The following ODAD2 variants were observed in gnomAD, a reference collection of about 807,000 sequenced individuals.
ODAD2 encodes outer dynein arm-docking complex subunit 2.
Under a neutral mutation model 106.8 loss-of-function variants are expected in ODAD2, and 89 were observed. The ratio of observed to expected loss-of-function variants is 0.83; its 90% confidence interval spans 0.70 to 0.99. The LOEUF is 0.99. ODAD2 is among the 50% of genes least tolerant of loss of function. ODAD2 has a pLI of 0.00. For synonymous variants in ODAD2, 404 were observed against 436.2 expected, an observed-to-expected ratio of 0.93 and a Z score of 0.92; for missense variants, 1,168 against 1,238.5, an observed-to-expected ratio of 0.94 and a Z score of 0.85.
chr10:27,933,253 A>G (rs989939611), intron 16 of ODAD2, among the ~76,000 whole-genome samples: 2 of 152,164 alleles, frequency 1.3e-5, no homozygotes, highest in African/African-American at 4.8e-5. Flanking sequence ...CTGTCTCTAA[A>G]AAACAAACTA....
In ODAD2 at chr10:27,936,871, C is replaced by T; in HGVS notation, c.2107G>A (p.Asp703Asn). 1 of 1,602,994 alleles carries T rather than the reference C, an allele frequency of 6.2e-7. No individual in the cohort carries two copies. The highest frequency in any genetic ancestry group is 8.5e-7 in the Non-Finnish European group (1 of 1,175,952). ...CTAACGAGGTCCCGGGTTTCCTTAT[C>T]TTCAGCACACTGCACGAAAAGTCAG... The part of the protein sequence containing the change: ...CAMAIYQCAE[D>N]KETRDLVRLH... The change falls in exon 15 of 20, where the codon GAT becomes AAT. Residue 703 changes from aspartate (D) to asparagine (N), a missense_variant. Asp to Asn is a conservative substitution (Grantham distance 23, BLOSUM62 1). Coordinates refer to ENST00000305242, the MANE Select transcript of ODAD2 (RefSeq NM_018076.5).
At position 27,940,471 on chromosome 10, in the gene ODAD2, G is replaced by A. The variant is rs1846327379; in HGVS notation, c.1986+92C>T. On this transcript the variant is annotated intron_variant, in intron 13 of 19. Coordinates refer to ENST00000305242, the MANE Select transcript of ODAD2 (RefSeq NM_018076.5). Reference sequence around the variant, plus strand: ...GAATGCTGACTTCTAGAAAAAGAATGTCCTTGAGCCATCATGATAACCTTA... The same window carrying A: ...GAATGCTGACTTCTAGAAAAAGAATATCCTTGAGCCATCATGATAACCTTA... 4 of 1,467,662 alleles carry A rather than the reference G, an allele frequency of 2.7e-6. No individual in the cohort carries two copies. In the African/African-American group the frequency reaches 4.2e-5, roughly 15 times the overall value. The allele number at this position is 1,467,662 out of a possible 1,614,324, so 90.9% of individuals were successfully genotyped here. A position where few individuals can be genotyped will look rare whatever the true frequency, so the allele number is the denominator to read the frequency against.
intron 8 of ODAD2, among the ~76,000 whole-genome samples, chr10:27,970,087 A>G (rs1848740299): frequency 1.3e-5 from 2 of 150,880 alleles, no homozygotes; most frequent in Admixed American, 1.3e-4. Context: ...GGTGACAGCG[A>G]GATTCTGTCT....
chr10:27,845,985 C>T (rs990426362), intron 19 of ODAD2, among the ~76,000 whole-genome samples: 1 of 152,168 alleles, frequency 6.6e-6, no homozygotes, highest in Non-Finnish European at 1.5e-5. Context: ...GAGACTTTAA[C>T]ACCCCACTGT....
rs1849733274 is a variant in ODAD2, at chr10:27,984,213, G to C, written c.653C>G (p.Thr218Arg). The C allele has an allele frequency of 6.2e-7, 1 of 1,613,312 alleles. No individual in the cohort carries two copies. The highest frequency in any genetic ancestry group is 1.3e-5 in the African/African-American group (1 of 74,912). Residue 218 changes from threonine (T) to arginine (R), a missense_variant, in exon 5 of 20, where the codon ACA becomes AGA. Thr to Arg is a moderately conservative substitution (Grantham distance 71). Transcript: ENST00000305242. ...LKRFSGKGNQ[T>R]VLESIEYTSD... is the part of the protein sequence containing the mutation. Reference sequence around the variant, plus strand: ...GGTATATTCAATAGATTCCAAGACTGTTTGGTTTCCTTTTCCTGAGAAACG... The same window carrying C: ...GGTATATTCAATAGATTCCAAGACTCTTTGGTTTCCTTTTCCTGAGAAACG...
At chr10:27,954,277 A>G (rs1250662655) in intron 10 of ODAD2, among the ~76,000 whole-genome samples, 1 of 152,188 alleles carries the variant, frequency 6.6e-6, no homozygotes, top group Non-Finnish European at 1.5e-5. Flanking sequence ...AGCTTTCTCA[A>G]ATGAATTTTA....
At chr10:27,966,861 ATC>A (rs1848518114) in intron 9 of ODAD2, among the ~76,000 whole-genome samples, 1 of 151,342 alleles carries the variant, frequency 6.6e-6, no homozygotes, top group Admixed American at 6.6e-5. Flanking sequence ...ACAACTAAAA[ATC>A]TGGATATTGT....
rs541497885 is a variant in ODAD2, at chr10:27,847,606, C to T, written c.3021+13019G>A. Among the ~76,000 whole-genome samples the T allele has an allele frequency of 4.2e-3, 645 of 151,996 alleles. 8 individuals carry two copies. Among genetic ancestry groups the T allele is most frequent in the African/African-American group, 0.014 (586 of 41,400 alleles). ...GCAGGAGAAAGAAATAAAGGGTATT[C>T]AATTAGGAAAAGAGGAAGTCAAATT... On this transcript the variant is annotated intron_variant, in intron 19 of 19. Transcript: ENST00000305242.
At chr10:27,937,100 G>T (rs1349953809) in intron 14 of ODAD2, among the ~76,000 whole-genome samples, 1 of 152,102 alleles carries the variant, frequency 6.6e-6, no homozygotes, top group Non-Finnish European at 1.5e-5. Flanking sequence ...CAGTTTCTAA[G>T]TACTCAGCAA....
chr10:27,907,693 C>T lies in ODAD2; in HGVS notation c.2580G>A (p.Trp860Ter). The change falls in exon 17 of 20, where the codon TGG becomes TGA. Residue 860 changes from tryptophan (W) to a stop codon, truncating the protein, a stop_gained. Transcript: ENST00000305242. LOFTEE classifies it high-confidence loss of function. ...PHPDVKASAA[W>*]ALCPCIKNAK... ...CATTTTTGATGCATGGACAGAGTGC[C>T]CATGCTGCGCTGGCCTTCACGTCTG... 1 of 1,613,760 alleles carries T rather than the reference C, an allele frequency of 6.2e-7. No individual in the cohort carries two copies. Among genetic ancestry groups the T allele is most frequent in the Non-Finnish European group, 8.5e-7 (1 of 1,179,812 alleles).
chr10:27,984,164 A>T lies in ODAD2; in HGVS notation c.682+20T>A, dbSNP rs1254914472. 2 of 1,562,066 alleles carry T rather than the reference A, an allele frequency of 1.3e-6. No homozygotes were observed. Among genetic ancestry groups the T allele is most frequent in the Non-Finnish European group, 1.8e-6 (2 of 1,137,410 alleles). On this transcript the variant is annotated intron_variant, in intron 5 of 19. Transcript: ENST00000305242. ...ATGAAAATGTAAATAACATAAAATGAGCCTGAGAAAACATCAAACCTGAGG... is the reference window on the plus strand; with the variant it reads ...ATGAAAATGTAAATAACATAAAATGTGCCTGAGAAAACATCAAACCTGAGG...
chr10:27,854,172 A>T (rs993983207), intron 19 of ODAD2, among the ~76,000 whole-genome samples: 1 of 152,208 alleles, frequency 6.6e-6, no homozygotes, highest in Non-Finnish European at 1.5e-5. Flanking sequence ...AAATCATAAG[A>T]TACCATGACA....
At chr10:27,858,306 G>C (rs1839799891) in intron 19 of ODAD2, among the ~76,000 whole-genome samples, 1 of 152,164 alleles carries the variant, frequency 6.6e-6, no homozygotes, top group Non-Finnish European at 1.5e-5. Flanking sequence ...GAACAGAGTA[G>C]GAAGAAGAGG....
chr10:27,840,148 T>G (rs1386046801), intron 19 of ODAD2, among the ~76,000 whole-genome samples: 1 of 152,206 alleles, frequency 6.6e-6, no homozygotes, highest in Non-Finnish European at 1.5e-5. Flanking sequence ...AGGTAAAATA[T>G]TCTACAAGTT....
Position 27,994,967 on chromosome 10 carries a change from C to T in ODAD2, c.176G>A (p.Trp59Ter). Residue 59 changes from tryptophan to a stop codon, truncating the protein, a stop_gained, in exon 2 of 20, where the codon TGG (tryptophan) becomes TAG (stop). Coordinates refer to ENST00000305242, the MANE Select transcript of ODAD2 (RefSeq NM_018076.5). LOFTEE classifies it high-confidence loss of function. ...TGCTGAGGGCGCCAAACTTGTGTTC[C>T]ATTCAAGTGGTTCCACAAAAACAAA... ...AKFVFVEPLEWNTSLAPSAFE... is the reference protein window; with the variant it reads ...AKFVFVEPLE 1 of 1,614,174 alleles carries T rather than the reference C, an allele frequency of 6.2e-7. No homozygotes were observed. Among genetic ancestry groups the T allele is most frequent in the Non-Finnish European group, 8.5e-7 (1 of 1,180,036 alleles).
intron 9 of ODAD2, 37 bp from the exon 10 acceptor site, chr10:27,961,752 A>G (rs778926636): frequency 1.9e-6 from 3 of 1,589,680 alleles, no homozygotes; most frequent in Non-Finnish European, 2.6e-6. Context: ...CATGTAAGCT[A>G]TAGTGTGGAG....
At chr10:27,929,810 T>C (rs181728858) in intron 16 of ODAD2, among the ~76,000 whole-genome samples, 36 of 152,316 alleles carry the variant, frequency 2.4e-4, no homozygotes, top group Admixed American at 2.4e-3. Context: ...TTCTTTTGCC[T>C]GGATGTACTT....
At chr10:27,875,719 A>G (rs1215155761) in intron 17 of ODAD2, among the ~76,000 whole-genome samples, 1 of 152,166 alleles carries the variant, frequency 6.6e-6, no homozygotes, top group Non-Finnish European at 1.5e-5. Context: ...GGTGCAGCCC[A>G]CCGAGCATGA....
intron 17 of ODAD2, among the ~76,000 whole-genome samples, chr10:27,892,607 T>A (rs772577528): frequency 4.6e-5 from 7 of 152,160 alleles, no homozygotes; most frequent in Non-Finnish European, 7.4e-5. Flanking sequence ...CAAAATGAAG[T>A]TTTAAACTTA....
Sources: allele counts gnomAD v4.1 joint callset (sites outside exome capture counted in the v4.1 genomes callset), GRCh38; gene constraint gnomAD v4.1.1; transcripts MANE v1.5; gene names NCBI Gene and HGNC (gene_info 2026-07-23, HGNC 2026-07-21).